The following OR51B5 variants were observed in gnomAD, a reference collection of about 807,000 sequenced individuals.
OR51B5 encodes olfactory receptor family 51 subfamily B member 5.
For missense variants in OR51B5, 456 were observed against 374.6 expected, an observed-to-expected ratio of 1.22 and a Z score of -1.79; for synonymous variants, 186 against 144.8, an observed-to-expected ratio of 1.28 and a Z score of -2.04.
At chr11:5,497,253 C>T (rs11037823) in intron 1 of OR51B5, among the ~76,000 whole-genome samples, 2,257 of 152,106 alleles carry the variant, frequency 0.015, 36 homozygotes, top group Non-Finnish European at 0.022. Flanking sequence ...GGTAAAAGCC[C>T]GTCTCTACTA....
At chr11:5,404,628 G>A (rs1850032723) in intron 1 of OR51B5, among the ~76,000 whole-genome samples, 1 of 152,150 alleles carries the variant, frequency 6.6e-6, no homozygotes, top group African/African-American at 2.4e-5. Context: ...GCAACCACCT[G>A]GGGTCCCCTT....
chr11:5,351,635 T>C (rs756703454), intron 1 of OR51B5: 5 of 1,614,128 alleles, frequency 3.1e-6, no homozygotes, highest in South Asian at 1.1e-5. Flanking sequence ...AATGGCACTC[T>C]TCTCTTTCTC....
At chr11:5,426,056 G>A (rs777513226) in intron 1 of OR51B5, among the ~76,000 whole-genome samples, 1 of 152,184 alleles carries the variant, frequency 6.6e-6, no homozygotes, top group African/African-American at 2.4e-5. Context: ...CTATCAAGCT[G>A]CACGAAGATG....
At chr11:5,445,559 C>A (rs568098900) in intron 1 of OR51B5, among the ~76,000 whole-genome samples, 6 of 151,998 alleles carry the variant, frequency 3.9e-5, no homozygotes, top group Admixed American at 1.3e-4. Context: ...AGTATACAGA[C>A]CAATAAAGAC....
intron 1 of OR51B5, chr11:5,453,232 T>C (rs1590003834): frequency 6.1e-6 from 2 of 326,362 alleles, no homozygotes; most frequent in East Asian, 1.0e-4. Context: ...GAAGTATTTG[T>C]CAATGTCTTC....
chr11:5,380,648 G>A (rs901475638), intron 1 of OR51B5, among the ~76,000 whole-genome samples: 4 of 152,172 alleles, frequency 2.6e-5, no homozygotes, highest in Non-Finnish European at 4.4e-5. Flanking sequence ...AGATTTGTGT[G>A]AGATTACCAT....
intron 1 of OR51B5, among the ~76,000 whole-genome samples, chr11:5,443,817 A>C (rs1850727099): frequency 6.6e-6 from 1 of 152,200 alleles, no homozygotes; most frequent in East Asian, 1.9e-4. Flanking sequence ...CTTGGAAGGA[A>C]GGTCAAGAAG....
intron 1 of OR51B5, among the ~76,000 whole-genome samples, chr11:5,364,958 GGA>G (rs1849343368): frequency 2.9e-5 from 4 of 139,528 alleles, no homozygotes; most frequent in Admixed American, 7.0e-5. Flanking sequence ...AGAGAGAGAG[GGA>G]AAAAAATGAA....
chr11:5,468,954 T>A, intron 1 of OR51B5: 1 of 350,730 alleles, frequency 2.9e-6, no homozygotes, highest in East Asian at 7.6e-5. Flanking sequence ...GGGAATACCA[T>A]GCAGAAGCTG....
At chr11:5,357,070 A>G (rs1402610622) in intron 1 of OR51B5, among the ~76,000 whole-genome samples, 2 of 152,116 alleles carry the variant, frequency 1.3e-5, no homozygotes, top group African/African-American at 2.4e-5. Context: ...TGCATCAACT[A>G]ATGAGCAAAA....
chr11:5,482,673 A>T (rs1851442009), intron 1 of OR51B5, among the ~76,000 whole-genome samples: 1 of 106,966 alleles, frequency 9.3e-6, no homozygotes, highest in African/African-American at 3.8e-5. Flanking sequence ...AAAAACAAAC[A>T]ACCCCATCAA....
intron 1 of OR51B5, chr11:5,423,288 A>G: frequency 8.1e-7 from 1 of 1,236,716 alleles, no homozygotes; most frequent in Middle Eastern, 2.8e-4. Context: ...GGCTTTTAGC[A>G]TGGAATTTTT....
intron 1 of OR51B5, chr11:5,352,285 C>T: frequency 1.2e-6 from 2 of 1,614,222 alleles, no homozygotes; most frequent in Non-Finnish European, 8.5e-7. Context: ...GACATTTATT[C>T]ATAGGTTTGG....
At chr11:5,473,666 G>C (rs1028096468) in intron 1 of OR51B5, among the ~76,000 whole-genome samples, 1 of 152,044 alleles carries the variant, frequency 6.6e-6, no homozygotes, top group Non-Finnish European at 1.5e-5. Context: ...ATTATTTAAT[G>C]GAAAAATAAG....
At chr11:5,484,144 A>T (rs1022884025) in intron 1 of OR51B5, among the ~76,000 whole-genome samples, 1 of 152,132 alleles carries the variant, frequency 6.6e-6, no homozygotes, top group Non-Finnish European at 1.5e-5. Context: ...AAGTTCTTGA[A>T]ATCAGATTCC....
chr11:5,469,049 T>C (rs922702848), intron 1 of OR51B5: 4 of 280,008 alleles, frequency 1.4e-5, no homozygotes, highest in Non-Finnish European at 2.8e-5. Flanking sequence ...GATGGCCACA[T>C]AGTGGTCAAA....
chr11:5,488,889 T>C, intron 1 of OR51B5: 1 of 1,614,084 alleles, frequency 6.2e-7, no homozygotes, highest in Non-Finnish European at 8.5e-7. Context: ...TTCATGCACC[T>C]ATGTACCTCT....
chr11:5,447,124 A>C (rs564576176), intron 1 of OR51B5, among the ~76,000 whole-genome samples: 1 of 152,356 alleles, frequency 6.6e-6, no homozygotes, highest in South Asian at 2.1e-4. Flanking sequence ...CACAATGATA[A>C]TAATACAATA....
chr11:5,408,644 G>A (rs991270673), intron 1 of OR51B5, among the ~76,000 whole-genome samples: 1 of 151,892 alleles, frequency 6.6e-6, no homozygotes, highest in African/African-American at 2.4e-5. Flanking sequence ...TAACATACAA[G>A]ACCAGCCTGT....
Sources: gnomAD v4.1 joint callset for allele counts (sites outside exome capture counted in the v4.1 genomes callset) on GRCh38, gnomAD v4.1.1 for gene constraint, MANE v1.5 for transcripts, NCBI Gene and HGNC (gene_info 2026-07-23, HGNC 2026-07-21) for gene names.